PTGIR: variants seen among roughly 807,000 people sequenced by gnomAD.
PTGIR encodes prostaglandin I2 receptor.
In PTGIR, 16 loss-of-function variants were observed where a neutral mutation model predicts 17.6. That is an observed-to-expected ratio of 0.91 (90% CI 0.61 to 1.38). The LOEUF (loss-of-function observed/expected upper bound fraction) is 1.38. PTGIR is among the 40% of genes most tolerant of loss of function. PTGIR has a pLI of 0.00. For missense variants in PTGIR, 532 were observed against 548.6 expected (o/e 0.97, Z 0.30); for synonymous variants, 274 against 255.4 (o/e 1.07, Z -0.69).
At chr19:46,611,188 C>CA in the PTGIR span, among the ~76,000 whole-genome samples, 1 of 152,036 alleles carries the variant, frequency 6.6e-6, no homozygotes, top group Non-Finnish European at 1.5e-5. Flanking sequence ...CATTCCAGTT[C>CA]GGGGGGACGA....
chr19:46,622,189 A>C (rs2052737353), intron 2 of PTGIR: 2 of 985,198 alleles, frequency 2.0e-6, no homozygotes, highest in East Asian at 1.1e-4. Flanking sequence ...CTGAGTGGGT[A>C]CCAGGGTCTG....
chr19:46,614,523 G>T, the PTGIR span: 2 of 743,062 alleles, frequency 2.7e-6, no homozygotes, highest in Non-Finnish European at 3.3e-6. Context: ...CCAGACTAGG[G>T]CAGGCGCCTA....
chr19:46,614,563 G>A, the PTGIR span: 4 of 348,414 alleles, frequency 1.1e-5, no homozygotes, highest in Non-Finnish European at 1.6e-5. Context: ...CTGCTGGTTT[G>A]AGCCAACTGC....
chr19:46,613,027 C>CTTTTTTTTT, the PTGIR span, among the ~76,000 whole-genome samples: 3 of 74,238 alleles, frequency 4.0e-5, no homozygotes, highest in East Asian at 3.9e-4. Flanking sequence ...TTGTGCCAAA[C>CTTTTTTTTT]TTTTTTTTTT....
At chr19:46,619,518 A>AG (rs1491064727), downstream of PTGIR, among the ~76,000 whole-genome samples, 8 of 47,676 alleles carry the variant, frequency 1.7e-4, no homozygotes, top group East Asian at 1.2e-3. Context: ...AGAAAGAAAG[A>AG]AAGAAAGAAA....
downstream of PTGIR, among the ~76,000 whole-genome samples, chr19:46,619,559 G>A (rs202188646): frequency 0.051 from 4,249 of 82,666 alleles, 108 homozygotes; most frequent in East Asian, 0.17. Context: ...GAGAGAGAGA[G>A]AGAGAGAGAG....
chr19:46,622,571 A>G (rs1357213410), intron 2 of PTGIR, among the ~76,000 whole-genome samples: 3 of 151,476 alleles, frequency 2.0e-5, no homozygotes, highest in African/African-American at 7.3e-5. Context: ...TGGGGGATGC[A>G]TTTCATCATG....
chr19:46,616,326 C>CT (rs1021116711), downstream of PTGIR, among the ~76,000 whole-genome samples: 9,619 of 66,430 alleles, frequency 0.14, 2,003 homozygotes, highest in Non-Finnish European at 0.18. Flanking sequence ...GACAGAAATG[C>CT]TTTTTTTTTT....
At chr19:46,615,542 G>T (rs1357832134), downstream of PTGIR, among the ~76,000 whole-genome samples, 1 of 152,124 alleles carries the variant, frequency 6.6e-6, no homozygotes, top group Non-Finnish European at 1.5e-5. Flanking sequence ...GTCTCACTCT[G>T]TCACCCAGGC....
downstream of PTGIR, among the ~76,000 whole-genome samples, chr19:46,620,275 A>T (rs535787047): frequency 3.9e-5 from 6 of 152,060 alleles, no homozygotes; most frequent in African/African-American, 1.4e-4. Flanking sequence ...AATTTTTAAA[A>T]TTTTTTTGTA....
At position 46,624,001 on chromosome 19, in the gene PTGIR, A is replaced by G. The variant is rs1176761692; in HGVS notation, c.225T>C (p.Tyr75=). ...GGCCCAGCAGGGAGCTGTTGCGCGC[A>G]TAGGCCACGAACACGGCCGGGCTCA... is the stretch of plus-strand genomic sequence containing the variant. The part of the protein sequence containing the change: ...SFLSPAVFVA[Y]ARNSSLLGLA... Residue 75 remains tyrosine (Y), a synonymous_variant, in exon 2 of 3, where the codon TAT becomes TAC. Coordinates refer to ENST00000291294, the MANE Select transcript of PTGIR (RefSeq NM_000960.4). 1.9e-6 allele frequency: 3 copies of G among 1,553,444 alleles called. No individual in the cohort carries two copies. The highest frequency in any genetic ancestry group is 3.9e-5 in the Admixed American group (2 of 51,638).
At chr19:46,620,455 A>G (rs186946008), downstream of PTGIR, 1 of 985,480 alleles carries the variant, frequency 1.0e-6, no homozygotes. Context: ...CTCTAAGGAC[A>G]CATAACATGA....
intron 1 of PTGIR, 122 bp from the exon 2 acceptor site, chr19:46,624,359 TCTC>T (rs2052777435): frequency 4.5e-6 from 4 of 896,240 alleles, no homozygotes; most frequent in Admixed American, 3.5e-5. Context: ...AACCCCCAGT[TCTC>T]CTGTGTGTGC....
Position 46,621,881 on chromosome 19 carries a change from G to A in PTGIR, c.769-209C>T. ...TGCCAGAGATGCCTAAGGGGAGAGG[G>A]ATGGGGGCCAGGTATGTGGGTCCCC... On this transcript the variant is annotated intron_variant, in intron 2 of 2. Coordinates refer to ENST00000291294, the MANE Select transcript of PTGIR (RefSeq NM_000960.4). The surrounding 1 kb of genome is among the most constrained non-coding windows in gnomAD (Gnocchi z 4.8). 2.2e-6 allele frequency: 3 copies of A among 1,350,530 alleles called. No homozygotes were observed. The South Asian group carries it at 6.1e-5, about 27-fold the overall frequency. 83.7% of individuals were successfully genotyped at this position (1,350,530 alleles called of 1,614,324 possible).
chr19:46,624,283 C>T (rs1178006717), intron 1 of PTGIR, 46 bp from the exon 2 acceptor site: 3 of 1,406,192 alleles, frequency 2.1e-6, no homozygotes, highest in Non-Finnish European at 2.8e-6. Context: ...CAGGGCTACC[C>T]CCACCACCCA....
chr19:46,619,247 T>C (rs1011415258), downstream of PTGIR, among the ~76,000 whole-genome samples: 1 of 151,830 alleles, frequency 6.6e-6, no homozygotes, highest in African/African-American at 2.4e-5. Context: ...AATCCAAGCA[T>C]TTTGGGAGGC....
At chr19:46,618,890 C>T (rs988447352), downstream of PTGIR, among the ~76,000 whole-genome samples, 5 of 152,288 alleles carry the variant, frequency 3.3e-5, no homozygotes, top group South Asian at 6.2e-4. Context: ...TCAAAACACC[C>T]GAACCAGAGC....
chr19:46,619,895 C>T (rs1047746478), downstream of PTGIR, among the ~76,000 whole-genome samples: 3 of 152,084 alleles, frequency 2.0e-5, no homozygotes, highest in African/African-American at 7.2e-5. Context: ...TCACCCTCCC[C>T]CACCCTAAAC....
the PTGIR span, among the ~76,000 whole-genome samples, chr19:46,611,188 C>T: frequency 4.7e-4 from 71 of 152,034 alleles, 1 homozygote; most frequent in African/African-American, 1.4e-3. Flanking sequence ...CATTCCAGTT[C>T]GGGGGGACGA....
Sources: gnomAD v4.1 joint callset for allele counts (sites outside exome capture counted in the v4.1 genomes callset) on GRCh38, gnomAD v4.1.1 for gene constraint, Gnocchi (gnomAD v3.1) non-coding constraint, MANE v1.5 for transcripts, NCBI Gene and HGNC (gene_info 2026-07-23, HGNC 2026-07-21) for gene names.